Variants in NME7 observed in about 807,000 individuals in gnomAD.
NME7 encodes the protein NME/NM23 family member 7, also known as nucleoside diphosphate kinase 7.
In NME7, 41 loss-of-function variants were observed where a neutral mutation model predicts 49.1. The ratio of observed to expected loss-of-function variants is 0.83; its 90% CI spans 0.65 to 1.08. The LOEUF (loss-of-function observed/expected upper bound fraction) is 1.08, where lower values mean the gene tolerates loss of function less well. Among genes scored for constraint, NME7 ranks in the 50% least tolerant of loss-of-function variants. NME7 has a pLI of 0.00. For synonymous variants in NME7, 139 were observed against 150.6 expected (o/e 0.92, Z 0.56); for missense variants, 423 against 463.4 (o/e 0.91, Z 0.80).
At chr1:169,173,330 A>G (rs1007079361) in intron 10 of NME7, among the ~76,000 whole-genome samples, 2 of 152,168 alleles carry the variant, frequency 1.3e-5, no homozygotes, top group African/African-American at 2.4e-5. Context: ...TAAGAGTTGT[A>G]ATCGTCATAG....
chr1:169,199,453 A>C (rs1222882866), intron 10 of NME7, among the ~76,000 whole-genome samples: 1 of 23,464 alleles, frequency 4.3e-5, no homozygotes, highest in Admixed American at 5.5e-4. Context: ...GGTCTTTTTT[A>C]TTATTATTAT....
chr1:169,210,808 A>T (rs1227797927), intron 10 of NME7, among the ~76,000 whole-genome samples: 1 of 152,118 alleles, frequency 6.6e-6, no homozygotes, highest in Non-Finnish European at 1.5e-5. Context: ...CACACTGAAC[A>T]ATTATCAGCT....
At chr1:169,252,311 G>C (rs1648666208) in intron 7 of NME7, among the ~76,000 whole-genome samples, 2 of 152,072 alleles carry the variant, frequency 1.3e-5, no homozygotes, top group Admixed American at 6.5e-5. Flanking sequence ...CTGATGGCCA[G>C]TGATGATGAG....
chr1:169,337,303 C>CCG (rs1036719763), intron 1 of NME7, among the ~76,000 whole-genome samples: 2 of 152,218 alleles, frequency 1.3e-5, no homozygotes, highest in Non-Finnish European at 2.9e-5. Context: ...AGTACACCCT[C>CCG]CGCAGCTGCT....
At chr1:169,244,825 C>T (rs1648242186) in intron 7 of NME7, among the ~76,000 whole-genome samples, 2 of 151,752 alleles carry the variant, frequency 1.3e-5, no homozygotes, top group Non-Finnish European at 2.9e-5. Context: ...CAATATTTTC[C>T]CTTGATATCA....
At chr1:169,345,819 G>A (rs1652932971) in intron 1 of NME7, among the ~76,000 whole-genome samples, 1 of 152,098 alleles carries the variant, frequency 6.6e-6, no homozygotes, top group African/African-American at 2.4e-5. Context: ...ATGTTAGACA[G>A]CTCTAGTTTA....
intron 6 of NME7, among the ~76,000 whole-genome samples, chr1:169,293,868 T>C (rs569313767): frequency 1.3e-5 from 2 of 152,282 alleles, no homozygotes; most frequent in South Asian, 4.1e-4. Flanking sequence ...AAAATAAATA[T>C]TTATAATTTT....
At chr1:169,266,969 G>C (rs1649336906) in intron 7 of NME7, among the ~76,000 whole-genome samples, 1 of 132,996 alleles carries the variant, frequency 7.5e-6, no homozygotes, top group African/African-American at 2.5e-5. Context: ...TTGGGAGGCT[G>C]AGGCACAAGA....
chr1:169,176,851 A>C (rs2101742220), intron 10 of NME7, among the ~76,000 whole-genome samples: 1 of 152,314 alleles, frequency 6.6e-6, no homozygotes, highest in East Asian at 1.9e-4. Context: ...CAAAAACTAC[A>C]AAGATTCACA....
In NME7 at chr1:169,264,198, C is replaced by T. The variant is rs1367544184; in HGVS notation, c.754+23105G>A. Among the ~76,000 whole-genome samples, 2 of 133,984 alleles carry T rather than the reference C, an allele frequency of 1.5e-5. 1 individual carries two copies. The highest frequency in any genetic ancestry group is 3.5e-5 in the Non-Finnish European group (2 of 57,074). The allele number at this position is 133,984 out of a possible 152,430, so 87.9% of individuals were successfully genotyped here. On this transcript the variant is annotated intron_variant, in intron 7 of 11. Coordinates refer to ENST00000367811, the MANE Select transcript of NME7 (RefSeq NM_013330.5). ...TGAAGCAACCACACAAAGAAGTCTGCATAATTACCAGCTAAGAACATAATG... is the reference window on the plus strand; with the variant it reads ...TGAAGCAACCACACAAAGAAGTCTGTATAATTACCAGCTAAGAACATAATG...
At chr1:169,230,561 A>T (rs1452330173) in intron 10 of NME7, among the ~76,000 whole-genome samples, 157 bp downstream of exon 10, 3 of 152,224 alleles carry the variant, frequency 2.0e-5, no homozygotes, top group East Asian at 3.8e-4. Context: ...AATGTTATGT[A>T]AAAATAAATT....
At chr1:169,231,678 T>G (rs1018118242) in intron 9 of NME7, among the ~76,000 whole-genome samples, 2 of 151,310 alleles carry the variant, frequency 1.3e-5, no homozygotes, top group African/African-American at 4.8e-5. Context: ...GAGAAGAGTT[T>G]ATGTTTCTAC....
intron 4 of NME7, among the ~76,000 whole-genome samples, chr1:169,307,127 T>C (rs184347925): frequency 1.6e-4 from 25 of 152,290 alleles, no homozygotes; most frequent in Non-Finnish European, 2.5e-4. Flanking sequence ...AAGAAGAGTA[T>C]AGATTTTTAG....
chr1:169,348,963 G>A (rs551675968), intron 1 of NME7, among the ~76,000 whole-genome samples: 1 of 151,904 alleles, frequency 6.6e-6, no homozygotes, highest in East Asian at 1.9e-4. Flanking sequence ...GAGGTTCTAG[G>A]CTAAATAGGT....
chr1:169,265,147 G>A (rs1649281281), intron 7 of NME7, among the ~76,000 whole-genome samples: 1 of 132,650 alleles, frequency 7.5e-6, no homozygotes, highest in African/African-American at 2.5e-5. Flanking sequence ...AGAATTATAG[G>A]AACCACAATT....
rs1324001012 is a variant in NME7 at position 169,316,078 on chromosome 1, G to A, written c.279-5998C>T. On this transcript the variant is annotated intron_variant, in intron 3 of 11. Coordinates refer to ENST00000367811, the MANE Select transcript of NME7 (RefSeq NM_013330.5). ...GGGTAGTTTACAATGAAGAAATGAA[G>A]AATAACAAGAAGAGAAAATATTCTA... 2.6e-5 allele frequency among the ~76,000 whole-genome samples: 4 copies of A among 151,876 alleles called. No homozygotes were observed. The East Asian group carries it at 7.7e-4, about 29-fold the overall frequency.
chr1:169,223,065 T>C (rs1044783893), intron 10 of NME7, among the ~76,000 whole-genome samples: 6 of 152,202 alleles, frequency 3.9e-5, no homozygotes, highest in African/African-American at 1.4e-4. Flanking sequence ...GTCTCTTCAG[T>C]GTTTTTCAGT....
chr1:169,163,472 G>A (rs374625326), intron 11 of NME7, among the ~76,000 whole-genome samples: 2 of 151,946 alleles, frequency 1.3e-5, no homozygotes, highest in African/African-American at 4.8e-5. Context: ...TGAAAGTCAA[G>A]GAAAAATTCA....
chr1:169,146,302 A>T (rs1041981591), intron 11 of NME7, among the ~76,000 whole-genome samples: 1 of 152,236 alleles, frequency 6.6e-6, no homozygotes, highest in Non-Finnish European at 1.5e-5. Flanking sequence ...CCTAGTCCAT[A>T]GCTATACCAT....
Sources: allele counts gnomAD v4.1 joint callset (sites outside exome capture counted in the v4.1 genomes callset), GRCh38; gene constraint gnomAD v4.1.1; transcripts MANE v1.5; gene names NCBI Gene and HGNC (gene_info 2026-07-23, HGNC 2026-07-21).